The following KDM3A variants were observed in gnomAD, a reference collection of about 807,000 sequenced individuals.
The protein encoded by KDM3A is lysine-specific demethylase 3A.
KDM3A carries 60 observed loss-of-function variants against 158.0 expected under a neutral mutation model. The ratio of observed to expected loss-of-function variants is 0.38; its 90% CI spans 0.31 to 0.47. The LOEUF (loss-of-function observed/expected upper bound fraction) is 0.47, where lower values mean the gene tolerates loss of function less well. KDM3A is among the 20% of genes least tolerant of loss of function. The probability of loss-of-function intolerance (pLI) is 0.99; values close to 1 mark genes in which losing one functional copy is unlikely to be tolerated. For synonymous variants in KDM3A, 608 were observed against 549.3 expected (o/e 1.11, Z -1.49); for missense variants, 1,319 against 1,574.3 (o/e 0.84, Z 2.74).
intron 20 of KDM3A, 80 bp downstream of exon 20, chr2:86,485,109 A>C: frequency 1.2e-6 from 1 of 816,534 alleles, no homozygotes; most frequent in Non-Finnish European, 2.0e-6. Flanking sequence ...GTGAGAAAAC[A>C]GTTTTCAAGA....
chr2:86,471,062 G>A (rs1028521439), intron 11 of KDM3A, among the ~76,000 whole-genome samples: 4 of 152,178 alleles, frequency 2.6e-5, no homozygotes, highest in Middle Eastern at 3.4e-3. Context: ...TGATACACCT[G>A]TTCTGCCAAG....
At chr2:86,449,608 A>G (rs1405435390) in intron 2 of KDM3A, among the ~76,000 whole-genome samples, 199 bp from the exon 3 acceptor site, 2 of 152,120 alleles carry the variant, frequency 1.3e-5, no homozygotes, top group Non-Finnish European at 2.9e-5. Context: ...TCCCGAAGTG[A>G]GTTGGGAGCC....
chr2:86,490,107 G>A (rs984962072), intron 23 of KDM3A: 2 of 153,316 alleles, frequency 1.3e-5, no homozygotes, highest in Admixed American at 1.3e-4. Flanking sequence ...TACTAGCAAG[G>A]GTTGCAGGGA....
At chr2:86,485,880 T>A in intron 21 of KDM3A, 21 bp downstream of exon 21, 1 of 1,600,106 alleles carries the variant, frequency 6.2e-7, no homozygotes, top group Admixed American at 1.7e-5. Context: ...GATGGCTAAC[T>A]TTAAAATGGA....
chr2:86,488,397 A>G (rs970468237), intron 21 of KDM3A: 1 of 152,012 alleles, frequency 6.6e-6, no homozygotes, highest in African/African-American at 2.4e-5. Context: ...CCTCTCAACT[A>G]TCCTATGATT....
chr2:86,478,218 T>A lies in KDM3A; in HGVS notation c.2141T>A (p.Ile714Lys), dbSNP rs1269625893. ...TGGCTAAAATGTGTGAAGAGTCAGA[T>A]ACATGAACCAGAGAACTTAATGCCC... ...FSWLKCVKSQ[I>K]HEPENLMPTQ... is the part of the protein sequence containing the mutation. The change falls in exon 14 of 26, where the codon ATA becomes AAA. Residue 714 changes from isoleucine to lysine, a missense_variant. By Grantham distance (102) the Ile-to-Lys change is moderately radical. This residue lies in a region of KDM3A where 368 missense variants were observed against 415.8 expected (regional missense o/e 0.89). Transcript: ENST00000312912. 6.2e-7 allele frequency: 1 copy of A among 1,613,990 alleles called. No homozygotes were observed. The highest frequency in any genetic ancestry group is 2.2e-5 in the East Asian group (1 of 44,900).
chr2:86,441,951 C>G, intron 1 of KDM3A, 67 bp from the exon 2 acceptor site: 1 of 1,367,224 alleles, frequency 7.3e-7, no homozygotes, highest in Non-Finnish European at 1.0e-6. Context: ...CCCGCCCTCC[C>G]TGCTGTCTCC....
chr2:86,461,256 C>T (rs556471896), intron 8 of KDM3A, among the ~76,000 whole-genome samples: 4 of 152,160 alleles, frequency 2.6e-5, no homozygotes, highest in South Asian at 2.1e-4. Flanking sequence ...GGTGAATCAC[C>T]CTTGTAAAAA....
At chr2:86,473,240 A>G (rs1399583813) in intron 11 of KDM3A, among the ~76,000 whole-genome samples, 1 of 152,186 alleles carries the variant, frequency 6.6e-6, no homozygotes, top group African/African-American at 2.4e-5. Flanking sequence ...CTCACTGTGT[A>G]ACCTCAAACT....
intron 11 of KDM3A, among the ~76,000 whole-genome samples, chr2:86,471,381 A>ATG (rs1360549286): frequency 6.6e-6 from 1 of 150,728 alleles, no homozygotes; most frequent in African/African-American, 2.4e-5. Flanking sequence ...ATGTATATAT[A>ATG]TGTGTGTATA....
intron 10 of KDM3A, 60 bp downstream of exon 10, chr2:86,466,943 C>G: frequency 7.9e-7 from 1 of 1,272,680 alleles, no homozygotes; most frequent in Non-Finnish European, 1.1e-6. Context: ...ATATATATCT[C>G]TTTCTTGTCC....
chr2:86,477,062 C>A (rs1046071359), intron 12 of KDM3A, among the ~76,000 whole-genome samples: 1 of 152,170 alleles, frequency 6.6e-6, no homozygotes, highest in Non-Finnish European at 1.5e-5. Context: ...GGTTTGGTTC[C>A]CTGATTTGGC....
intron 2 of KDM3A, among the ~76,000 whole-genome samples, chr2:86,448,066 C>T (rs1683026455): frequency 6.6e-6 from 1 of 152,180 alleles, no homozygotes. Context: ...AAACATATAA[C>T]CAGGGAGAAA....
chr2:86,447,106 C>T (rs762119123), intron 2 of KDM3A, among the ~76,000 whole-genome samples: 10 of 152,170 alleles, frequency 6.6e-5, no homozygotes, highest in East Asian at 1.9e-4. Context: ...GTCACCATGC[C>T]TGACTGACAT....
intron 11 of KDM3A, among the ~76,000 whole-genome samples, chr2:86,471,096 T>TG (rs1673378098): frequency 6.6e-6 from 1 of 152,152 alleles, no homozygotes; most frequent in East Asian, 1.9e-4. Flanking sequence ...AGGTCGCACC[T>TG]GTGTCCTTGA....
At chr2:86,472,398 C>G (rs980932582) in intron 11 of KDM3A, among the ~76,000 whole-genome samples, 1 of 151,840 alleles carries the variant, frequency 6.6e-6, no homozygotes, top group Non-Finnish European at 1.5e-5. Context: ...TTAGCCTCCT[C>G]ATCAAGTTTG....
At chr2:86,491,828 G>T (rs1357267131) in intron 25 of KDM3A, 1 of 558,138 alleles carries the variant, frequency 1.8e-6, no homozygotes, top group African/African-American at 1.9e-5. Flanking sequence ...CTAAAAGGGG[G>T]AAAATGAGTT....
intron 9 of KDM3A, among the ~76,000 whole-genome samples, chr2:86,464,715 G>T (rs1673064472): frequency 6.6e-6 from 1 of 152,226 alleles, no homozygotes; most frequent in South Asian, 2.1e-4. Flanking sequence ...GGAAGAAAAT[G>T]AGTACGAAAT....
chr2:86,442,024 G>C lies in KDM3A; in HGVS notation c.-24G>C, dbSNP rs1436143663. On this transcript the variant is annotated 5_prime_UTR_variant, in exon 2 of 26. Coordinates refer to ENST00000312912, the MANE Select transcript of KDM3A (RefSeq NM_018433.6). The stretch of plus-strand genomic sequence containing the variant: ...TGTTTTTGTGTTTTTGCAGGGAGGA[G>C]CTCTTCCTGCAGGCGTGGAAACCAT... 6.2e-7 allele frequency: 1 copy of C among 1,612,716 alleles called. No homozygotes were observed. The highest frequency in any genetic ancestry group is 8.5e-7 in the Non-Finnish European group (1 of 1,179,252).
Sources: allele counts gnomAD v4.1 joint callset (sites outside exome capture counted in the v4.1 genomes callset), GRCh38; gene constraint gnomAD v4.1.1; regional missense constraint gnomAD v4.1.1; transcripts MANE v1.5; gene names NCBI Gene and HGNC (gene_info 2026-07-23, HGNC 2026-07-21).